The following PRKN variants were observed in gnomAD, a reference collection of about 807,000 sequenced individuals.
PRKN encodes the protein parkin RBR E3 ubiquitin protein ligase.
In PRKN, 56 loss-of-function variants were observed where a neutral mutation model predicts 59.5. The observed-to-expected ratio is 0.94, with a 90% CI of 0.76 to 1.18. PRKN has a LOEUF of 1.18. Among genes scored for constraint, PRKN ranks in the 50% most tolerant of loss-of-function variants. The pLI, the probability that PRKN is intolerant of heterozygous loss-of-function variation, is 0.00. For synonymous variants in PRKN, 250 were observed against 222.1 expected, an observed-to-expected ratio of 1.13 and a Z score of -1.12; for missense variants, 657 against 596.4, an observed-to-expected ratio of 1.10 and a Z score of -1.06.
intron 1 of PRKN, among the ~76,000 whole-genome samples, chr6:162,604,051 A>G (rs992536687): frequency 3.3e-5 from 5 of 152,200 alleles, no homozygotes; most frequent in Non-Finnish European, 5.9e-5. Flanking sequence ...CTGTTGCCTG[A>G]CTTGAATGCA....
chr6:162,480,314 C>T (rs1384274594), intron 1 of PRKN, among the ~76,000 whole-genome samples: 1 of 152,114 alleles, frequency 6.6e-6, no homozygotes, highest in Non-Finnish European at 1.5e-5. Flanking sequence ...CTTATGGGAC[C>T]ACCCTTGCAG....
At chr6:161,866,217 G>A (rs1053431984) in intron 6 of PRKN, among the ~76,000 whole-genome samples, 8 of 152,038 alleles carry the variant, frequency 5.3e-5, no homozygotes, top group African/African-American at 1.9e-4. Flanking sequence ...TAACCTCAAA[G>A]ATCACTGATC....
In PRKN at chr6:161,392,151, C is replaced by T. The variant is rs1786536111; in HGVS notation, c.1084-5274G>A. The stretch of plus-strand genomic sequence containing the variant: ...ACGGGGTTTCACCGTCTTGGCCAAG[C>T]TGGTCTCGAACCCTGACCTCGTGAT... On this transcript the variant is annotated intron_variant, in intron 9 of 11. Transcript: ENST00000366898. Among the ~76,000 whole-genome samples the T allele has an allele frequency of 3.3e-5, 5 of 151,864 alleles. No homozygotes were observed. The South Asian group carries it at 1.0e-3, about 32-fold the overall frequency.
At chr6:162,380,726 T>C (rs1786434168) in intron 2 of PRKN, among the ~76,000 whole-genome samples, 1 of 150,452 alleles carries the variant, frequency 6.6e-6, no homozygotes, top group East Asian at 1.9e-4. Context: ...CTCTACTGTT[T>C]AAAAAAAAAC....
intron 5 of PRKN, among the ~76,000 whole-genome samples, chr6:162,020,742 A>T (rs1783114628): frequency 6.6e-6 from 1 of 152,158 alleles, no homozygotes; most frequent in Non-Finnish European, 1.5e-5. Flanking sequence ...GATTCTCCCC[A>T]TATTTCTACA....
chr6:162,157,912 T>A (rs1782584604), intron 4 of PRKN, among the ~76,000 whole-genome samples: 1 of 152,076 alleles, frequency 6.6e-6, no homozygotes, highest in Non-Finnish European at 1.5e-5. Context: ...CTTTCAGTCC[T>A]CTGGTCTCAA....
intron 6 of PRKN, among the ~76,000 whole-genome samples, chr6:161,927,479 A>G (rs111292552): frequency 0.039 from 5,965 of 152,290 alleles, 369 homozygotes; most frequent in African/African-American, 0.14. Flanking sequence ...CATGTTAACA[A>G]AAAGCAAAGA....
intron 6 of PRKN, among the ~76,000 whole-genome samples, chr6:161,791,937 C>A (rs1308032955): frequency 1.3e-5 from 2 of 152,194 alleles, no homozygotes; most frequent in African/African-American, 2.4e-5. Flanking sequence ...GACACCGCAG[C>A]CTCTGTCTGT....
chr6:162,168,556 CAAAAAAAAA>C (rs771060815), intron 4 of PRKN, among the ~76,000 whole-genome samples: 840 of 47,326 alleles, frequency 0.018, 11 homozygotes, highest in African/African-American at 0.061. Context: ...ATCTGTTTTA[CAAAAAAAAA>C]AAAAAAAAAA....
chr6:161,973,327 T>C lies in PRKN; in HGVS notation c.709A>G (p.Thr237Ala). The change falls in exon 6 of 12, where the codon ACT (threonine) becomes GCT (alanine). Residue 237 changes from threonine to alanine, a missense_variant. By Grantham distance (58) the Thr-to-Ala change is moderately conservative. Transcript: ENST00000366898. Reference sequence around the variant, plus strand: ...CTGACGTCTGTGCACGTAATGCAAGTGATGTTCCGACTATTTGTTGCGATC... The same window carrying C: ...CTGACGTCTGTGCACGTAATGCAAGCGATGTTCCGACTATTTGTTGCGATC... The part of the protein sequence containing the change: ...HLIATNSRNI[T>A]CITCTDVRSP... 6.2e-7 allele frequency: 1 copy of C among 1,613,044 alleles called. No individual in the cohort carries two copies. The highest frequency in any genetic ancestry group is 8.5e-7 in the Non-Finnish European group (1 of 1,179,016).
At chr6:161,392,395 A>G (rs1786551898) in intron 9 of PRKN, among the ~76,000 whole-genome samples, 1 of 151,988 alleles carries the variant, frequency 6.6e-6, no homozygotes, top group Non-Finnish European at 1.5e-5. Flanking sequence ...AAAAAAAAAG[A>G]AAAAGAAAAA....
intron 9 of PRKN, among the ~76,000 whole-genome samples, chr6:161,542,342 TC>T (rs1468595790): frequency 6.6e-6 from 1 of 152,154 alleles, no homozygotes; most frequent in Non-Finnish European, 1.5e-5. Context: ...ACCCCTCAAC[TC>T]CCCGTAGCTC....
At chr6:162,658,370 T>C (rs777965234) in intron 1 of PRKN, among the ~76,000 whole-genome samples, 5 of 152,020 alleles carry the variant, frequency 3.3e-5, no homozygotes, top group African/African-American at 7.2e-5. Flanking sequence ...TAGTAACCTA[T>C]GATATAAGAA....
intron 4 of PRKN, among the ~76,000 whole-genome samples, chr6:162,171,146 A>T (rs1263750685): frequency 6.6e-6 from 1 of 152,008 alleles, no homozygotes; most frequent in Non-Finnish European, 1.5e-5. Context: ...GTAAATACAC[A>T]GGCAGGAACT....
At chr6:161,430,278 C>T (rs1788578599) in intron 9 of PRKN, among the ~76,000 whole-genome samples, 1 of 152,188 alleles carries the variant, frequency 6.6e-6, no homozygotes. Context: ...GGCATTAATC[C>T]ATCCATGAGG....
chr6:161,787,090 C>T (rs956079437), intron 6 of PRKN, among the ~76,000 whole-genome samples: 2 of 151,998 alleles, frequency 1.3e-5, no homozygotes, highest in African/African-American at 4.8e-5. Context: ...TAACAAAATA[C>T]AAAATAAACA....
intron 1 of PRKN, among the ~76,000 whole-genome samples, chr6:162,467,825 C>A (rs916445873): frequency 6.6e-6 from 1 of 152,116 alleles, no homozygotes; most frequent in African/African-American, 2.4e-5. Context: ...CCCGCTACGC[C>A]GCCCACCGAG....
chr6:162,625,596 T>G (rs1270983493), intron 1 of PRKN, among the ~76,000 whole-genome samples: 2 of 152,132 alleles, frequency 1.3e-5, no homozygotes, highest in Non-Finnish European at 2.9e-5. Flanking sequence ...TTTTTTCTAC[T>G]CTGTATCTCC....
intron 1 of PRKN, among the ~76,000 whole-genome samples, chr6:162,637,272 CG>C (rs1562457730): frequency 6.0e-5 from 3 of 49,952 alleles, no homozygotes; most frequent in Non-Finnish European, 8.1e-5. Flanking sequence ...TCCTCCCACC[CG>C]CCCCCCCCCC....
Sources: gnomAD v4.1 joint callset for allele counts (sites outside exome capture counted in the v4.1 genomes callset) on GRCh38, gnomAD v4.1.1 for gene constraint, MANE v1.5 for transcripts, NCBI Gene and HGNC (gene_info 2026-07-23, HGNC 2026-07-21) for gene names.